Variants in RBM6 observed in about 807,000 individuals in gnomAD.
RBM6 encodes RNA-binding protein 6.
RBM6 carries 23 observed loss-of-function variants against 140.4 expected under a neutral mutation model. The observed-to-expected ratio is 0.16, with a 90% CI of 0.12 to 0.23. RBM6 has a LOEUF of 0.23. Among genes scored for constraint, RBM6 ranks in the 10% least tolerant of loss-of-function variants. RBM6 has a pLI of 1.00. For synonymous variants in RBM6, 439 were observed against 475.6 expected (o/e 0.92, Z 1.00); for missense variants, 1,139 against 1,386.7 (o/e 0.82, Z 2.84).
chr3:49,962,868 C>T (rs578027477), intron 2 of RBM6, 183 bp downstream of exon 2: 167 of 489,150 alleles, frequency 3.4e-4, no homozygotes, highest in East Asian at 2.3e-3. Context: ...GAGGCTGAGG[C>T]GGGCAGATCA....
At chr3:50,041,416 TCTC>T (rs1408896305) in intron 6 of RBM6, among the ~76,000 whole-genome samples, 1 of 152,174 alleles carries the variant, frequency 6.6e-6, no homozygotes, top group Non-Finnish European at 1.5e-5. Context: ...TCTTCCTCCA[TCTC>T]CTCCTTCCCT....
intron 5 of RBM6, among the ~76,000 whole-genome samples, chr3:49,978,968 T>A (rs2085180129): frequency 1.3e-5 from 2 of 152,126 alleles, no homozygotes; most frequent in Non-Finnish European, 2.9e-5. Flanking sequence ...CAAACTCTAG[T>A]ATATATATAA....
rs184954649 is a variant in RBM6, at chr3:50,044,938, C to T, written c.1558-3307C>T. On this transcript the variant is annotated intron_variant, in intron 6 of 20. Coordinates refer to ENST00000266022, the MANE Select transcript of RBM6 (RefSeq NM_005777.3). ...AGAGAGAAAAAGAAACAATTGGCTA[C>T]CCTTCAACAGTGATGTTAAAACCAT... Among the ~76,000 whole-genome samples, 4 of 152,262 alleles carry T rather than the reference C, an allele frequency of 2.6e-5. No homozygotes were observed. In the East Asian group the frequency reaches 7.7e-4, roughly 29 times the overall value.
At position 49,973,819 on chromosome 3, in the gene RBM6, C is replaced by T. The variant is rs559098302; in HGVS notation, c.1414-1504C>T. Among the ~76,000 whole-genome samples the T allele has an allele frequency of 2.0e-5, 3 of 152,028 alleles. No homozygotes were observed. In the East Asian group the frequency reaches 5.8e-4, roughly 30 times the overall value. The stretch of plus-strand genomic sequence containing the variant: ...CAGGCTGATCTTGAACTCCTGACCT[C>T]AAGTGATCCACCCGCCTCGGCCTCT... On this transcript the variant is annotated intron_variant, in intron 4 of 20. Transcript: ENST00000266022.
At chr3:50,017,754 T>C (rs2087248223) in intron 6 of RBM6, among the ~76,000 whole-genome samples, 1 of 152,192 alleles carries the variant, frequency 6.6e-6, no homozygotes, top group African/African-American at 2.4e-5. Flanking sequence ...AATTGTTTCC[T>C]TGCTTTGCAG....
intron 6 of RBM6, among the ~76,000 whole-genome samples, chr3:50,042,503 C>T (rs751886887): frequency 1.1e-4 from 16 of 152,130 alleles, no homozygotes; most frequent in Non-Finnish European, 1.0e-4. Context: ...GAAGCTGAGG[C>T]AGGAGGATCA....
At chr3:50,034,357 G>A (rs976813761) in intron 6 of RBM6, among the ~76,000 whole-genome samples, 3 of 151,870 alleles carry the variant, frequency 2.0e-5, no homozygotes, top group Non-Finnish European at 2.9e-5. Context: ...ACATGCTCAC[G>A]GTGCACTTTA....
chr3:50,054,663 G>A (rs149275065), intron 8 of RBM6, among the ~76,000 whole-genome samples: 17 of 151,826 alleles, frequency 1.1e-4, no homozygotes, highest in African/African-American at 3.1e-4. Flanking sequence ...GTGCCACCAC[G>A]CCCTGTAGCC....
chr3:49,958,541 A>C (rs1278916071), intron 1 of RBM6, among the ~76,000 whole-genome samples: 1 of 151,488 alleles, frequency 6.6e-6, no homozygotes, highest in Non-Finnish European at 1.5e-5. Context: ...ACGCCACTGC[A>C]CTCCAGCCTG....
chr3:49,951,005 A>C lies in RBM6; in HGVS notation c.-67+10780A>C, dbSNP rs2083705366. ...TGTGGTATGTACATATAACTGAAAAATTATTCAGTGTTAGGAAGGAAGGTA... is the reference window on the plus strand; with the variant it reads ...TGTGGTATGTACATATAACTGAAAACTTATTCAGTGTTAGGAAGGAAGGTA... On this transcript the variant is annotated intron_variant, in intron 1 of 20. Coordinates refer to ENST00000266022, the MANE Select transcript of RBM6 (RefSeq NM_005777.3). Among the ~76,000 whole-genome samples the C allele has an allele frequency of 3.3e-5, 5 of 152,180 alleles. No individual in the cohort carries two copies. The South Asian group carries it at 1.0e-3, about 31-fold the overall frequency.
chr3:49,977,621 C>T (rs564519997), intron 5 of RBM6, among the ~76,000 whole-genome samples: 1 of 152,284 alleles, frequency 6.6e-6, no homozygotes, highest in African/African-American at 2.4e-5. Flanking sequence ...CAGTGCTTGA[C>T]ACTCGGTAGG....
chr3:49,960,910 CTTT>C (rs1439558901), intron 1 of RBM6, among the ~76,000 whole-genome samples: 6 of 132,240 alleles, frequency 4.5e-5, no homozygotes, highest in Non-Finnish European at 8.2e-5. Context: ...CCCAGAGTAC[CTTT>C]TTTTTTTTTT....
intron 14 of RBM6, 47 bp downstream of exon 14, chr3:50,061,594 A>G: frequency 1.5e-6 from 2 of 1,356,224 alleles, no homozygotes; most frequent in Non-Finnish European, 1.9e-6. Context: ...TACCTCTGTC[A>G]ATGATTCTTT....
intron 6 of RBM6, 101 bp from the exon 7 acceptor site, chr3:50,048,144 A>AT (rs1211226291): frequency 5.9e-6 from 9 of 1,513,294 alleles, no homozygotes; most frequent in Non-Finnish European, 7.1e-6. Flanking sequence ...ACTCTTTATA[A>AT]AATGTTTCAG....
chr3:50,044,476 G>A (rs1023714314), intron 6 of RBM6, among the ~76,000 whole-genome samples: 1 of 151,678 alleles, frequency 6.6e-6, no homozygotes, highest in African/African-American at 2.4e-5. Flanking sequence ...CAAGCTACTC[G>A]AGAGGCCGAG....
intron 5 of RBM6, among the ~76,000 whole-genome samples, chr3:49,995,710 T>C (rs753157690): frequency 2.0e-4 from 31 of 152,164 alleles, no homozygotes; most frequent in Admixed American, 4.6e-4. Context: ...GGTAATAAAG[T>C]AGATTTTTTT....
intron 6 of RBM6, among the ~76,000 whole-genome samples, chr3:50,025,937 T>C (rs2087790521): frequency 6.6e-6 from 1 of 152,012 alleles, no homozygotes; most frequent in African/African-American, 2.4e-5. Context: ...CTACTAGAAA[T>C]ACAAAAATTA....
chr3:49,952,815 C>T (rs2083798899), intron 1 of RBM6, among the ~76,000 whole-genome samples: 2 of 152,036 alleles, frequency 1.3e-5, no homozygotes, highest in Non-Finnish European at 2.9e-5. Flanking sequence ...CTTTTTGTTA[C>T]TGAGTTGAAA....
intron 6 of RBM6, among the ~76,000 whole-genome samples, chr3:50,035,633 G>GA (rs959244277): frequency 1.3e-5 from 2 of 151,762 alleles, no homozygotes; most frequent in African/African-American, 4.8e-5. Context: ...AGTGAGCTGA[G>GA]ATCATGCCAT....
Sources: allele counts gnomAD v4.1 joint callset (sites outside exome capture counted in the v4.1 genomes callset), GRCh38; gene constraint gnomAD v4.1.1; transcripts MANE v1.5; gene names NCBI Gene and HGNC (gene_info 2026-07-23, HGNC 2026-07-21).